CCDC81: variants seen among roughly 807,000 people sequenced by gnomAD.
CCDC81 encodes coiled-coil domain-containing protein 81.
In CCDC81, 79 loss-of-function variants were observed where a neutral mutation model predicts 83.7. The observed-to-expected ratio is 0.94, with a 90% CI of 0.79 to 1.14. The LOEUF (loss-of-function observed/expected upper bound fraction) is 1.14. Ranked by LOEUF, CCDC81 falls within the 50% of genes most tolerant of loss-of-function variation. The pLI is 0.00. For missense variants in CCDC81, 791 were observed against 778.1 expected, an observed-to-expected ratio of 1.02 and a Z score of -0.20; for synonymous variants, 252 against 278.1, an observed-to-expected ratio of 0.91 and a Z score of 0.93.
intron 1 of CCDC81, among the ~76,000 whole-genome samples, chr11:86,379,507 T>C (rs1167590498): frequency 6.6e-6 from 1 of 152,230 alleles, no homozygotes; most frequent in African/African-American, 2.4e-5. Flanking sequence ...GGTAGTGTGA[T>C]TGTTTTATAA....
intron 1 of CCDC81, 90 bp downstream of exon 1, chr11:86,375,332 T>C (rs1374669528): frequency 8.5e-7 from 1 of 1,177,440 alleles, no homozygotes; most frequent in Non-Finnish European, 1.2e-6. Context: ...CCCAATTCCC[T>C]GGCTCAGGCC....
chr11:86,381,600 G>C (rs556693945), intron 1 of CCDC81, among the ~76,000 whole-genome samples: 1 of 152,148 alleles, frequency 6.6e-6, no homozygotes, highest in African/African-American at 2.4e-5. Context: ...ATGTGAGTCC[G>C]TTTCAGGAAG....
At position 86,395,385 on chromosome 11, in the gene CCDC81, T is replaced by A. The variant is rs764660941; in HGVS notation, c.607T>A (p.Trp203Arg). Residue 203 changes from tryptophan to arginine, a missense_variant, in exon 5 of 15, where the codon TGG becomes AGG. Physicochemically the swap from Trp to Arg is moderately radical, Grantham distance 101 (BLOSUM62 -3). Transcript: ENST00000445632. ...VLSSREALRK[W>R]PSSVLAFPRI... Reference sequence around the variant, plus strand: ...GTCTAGCAGAGAGGCCTTGAGGAAGTGGCCCAGCAGTGTGCTTGCGTTTCC... The same window carrying A: ...GTCTAGCAGAGAGGCCTTGAGGAAGAGGCCCAGCAGTGTGCTTGCGTTTCC... 6.2e-7 allele frequency: 1 copy of A among 1,614,100 alleles called. No individual in the cohort carries two copies. Among genetic ancestry groups the A allele is most frequent in the Non-Finnish European group, 8.5e-7 (1 of 1,179,976 alleles).
At chr11:86,378,547 G>GATAGGTGAGTACTGAAGTC (rs2138485521) in intron 1 of CCDC81, among the ~76,000 whole-genome samples, 1 of 152,248 alleles carries the variant, frequency 6.6e-6, no homozygotes, top group South Asian at 2.1e-4. Flanking sequence ...AGCTGGATCT[G>GATAGGTGAGTACTGAAGTC]TTCATTTCTG....
intron 1 of CCDC81, among the ~76,000 whole-genome samples, chr11:86,376,774 G>A (rs926795548): frequency 2.6e-5 from 4 of 152,198 alleles, no homozygotes; most frequent in Non-Finnish European, 5.9e-5. Context: ...AGTGGTACAT[G>A]TGTTACAATT....
intron 13 of CCDC81, among the ~76,000 whole-genome samples, chr11:86,417,448 A>C (rs999568534): frequency 1.3e-5 from 2 of 152,002 alleles, no homozygotes; most frequent in African/African-American, 2.4e-5. Flanking sequence ...TTTGTAAATG[A>C]AATAGTCTAT....
At chr11:86,389,368 A>G (rs960167630) in intron 3 of CCDC81, among the ~76,000 whole-genome samples, 1 of 152,234 alleles carries the variant, frequency 6.6e-6, no homozygotes, top group Non-Finnish European at 1.5e-5. Flanking sequence ...TAACTGTATT[A>G]GTCTGTTCTC....
At chr11:86,399,511 T>C (rs1368882533) in intron 6 of CCDC81, among the ~76,000 whole-genome samples, 2 of 152,188 alleles carry the variant, frequency 1.3e-5, no homozygotes, top group South Asian at 4.2e-4. Flanking sequence ...AAACAGGGTT[T>C]TGCCATGTCG....
chr11:86,410,341 G>A (rs888300012), intron 10 of CCDC81, among the ~76,000 whole-genome samples: 5 of 152,118 alleles, frequency 3.3e-5, no homozygotes, highest in Admixed American at 1.3e-4. Context: ...GGAATACAAG[G>A]TTCCCTCTTC....
chr11:86,410,661 T>C (rs1467723670), intron 10 of CCDC81, among the ~76,000 whole-genome samples: 1 of 152,222 alleles, frequency 6.6e-6, no homozygotes, highest in Non-Finnish European at 1.5e-5. Flanking sequence ...TACTGCTGTG[T>C]ATCTCTTCTT....
intron 6 of CCDC81, 27 bp downstream of exon 6, chr11:86,397,769 C>G: frequency 1.9e-6 from 3 of 1,605,244 alleles, no homozygotes; most frequent in East Asian, 4.5e-5. Flanking sequence ...TGGGTCCAAT[C>G]TGTCACTCTT....
At position 86,394,572 on chromosome 11, in the gene CCDC81, C is replaced by G. The variant is rs572052888; in HGVS notation, c.556-762C>G. Among the ~76,000 whole-genome samples the G allele has an allele frequency of 3.3e-5, 5 of 152,344 alleles. No homozygotes were observed. In the East Asian group the frequency reaches 9.6e-4, roughly 29 times the overall value. On this transcript the variant is annotated intron_variant, in intron 4 of 14. Coordinates refer to ENST00000445632, the MANE Select transcript of CCDC81 (RefSeq NM_001156474.2). Reference sequence around the variant, plus strand: ...GAGTTTATTCCCAAATGACCCGTAACTTAAAACTGTCTTGTAGGGTAGTCC... The same window carrying G: ...GAGTTTATTCCCAAATGACCCGTAAGTTAAAACTGTCTTGTAGGGTAGTCC...
Position 86,407,642 on chromosome 11 carries a change from G to C in CCDC81, c.910G>C (p.Asp304His). ...ATCATATCCAAGTTGTCTGAAACAC[G>C]ACAGTGAGATGAAGCCCCAAACATC... ...SLSYPSCLKH[D>H]SEMKPQTSPA... Residue 304 changes from aspartate (D) to histidine (H), a missense_variant, in exon 8 of 15, where the codon GAC becomes CAC. Physicochemically the swap from Asp to His is moderately conservative, Grantham distance 81. Transcript: ENST00000445632. 20 of 1,613,408 alleles carry C rather than the reference G, an allele frequency of 1.2e-5. No homozygotes were observed. Among genetic ancestry groups the C allele is most frequent in the Non-Finnish European group, 1.7e-5 (20 of 1,179,564 alleles).
intron 1 of CCDC81, among the ~76,000 whole-genome samples, chr11:86,378,687 C>G (rs1340719218): frequency 1.3e-5 from 2 of 152,088 alleles, no homozygotes; most frequent in Non-Finnish European, 2.9e-5. Flanking sequence ...ATTCTTAGGT[C>G]TTCTTGAAAG....
At chr11:86,415,698 G>C (rs1948709715) in intron 13 of CCDC81, among the ~76,000 whole-genome samples, 1 of 152,124 alleles carries the variant, frequency 6.6e-6, no homozygotes, top group African/African-American at 2.4e-5. Context: ...GATTGAGACA[G>C]GGTTTTGCTC....
rs1948581523 is a variant in CCDC81, at chr11:86,407,709, G to A, written c.969+8G>A. 6.2e-7 allele frequency: 1 copy of A among 1,604,308 alleles called. No homozygotes were observed. The highest frequency in any genetic ancestry group is 1.3e-5 in the African/African-American group (1 of 74,756). On this transcript the variant is annotated splice_region_variant and intron_variant, in intron 8 of 14. Coordinates refer to ENST00000445632, the MANE Select transcript of CCDC81 (RefSeq NM_001156474.2). Reference sequence around the variant, plus strand: ...CATAACAAGGCAGGACAGGTACAGTGTTTCCAAACAAATAAGTCCCATCAG... The same window carrying A: ...CATAACAAGGCAGGACAGGTACAGTATTTCCAAACAAATAAGTCCCATCAG...
chr11:86,403,040 G>T (rs185891572), intron 7 of CCDC81, among the ~76,000 whole-genome samples: 44 of 128,246 alleles, frequency 3.4e-4, no homozygotes, highest in African/African-American at 1.3e-3. Flanking sequence ...TTTTTGTAGA[G>T]ATGGGGTCTT....
intron 3 of CCDC81, among the ~76,000 whole-genome samples, chr11:86,388,182 C>T (rs10898475): frequency 2.1e-5 from 3 of 141,000 alleles, no homozygotes; most frequent in African/African-American, 8.1e-5. Context: ...ACCTCCCTCC[C>T]TCCCTCCTTT....
chr11:86,417,843 G>A (rs1025603831), intron 13 of CCDC81, among the ~76,000 whole-genome samples: 3 of 151,888 alleles, frequency 2.0e-5, no homozygotes, highest in African/African-American at 4.8e-5. Flanking sequence ...TGCCTCCTGG[G>A]TTCAAGTGAT....
Sources: gnomAD v4.1 joint callset for allele counts (sites outside exome capture counted in the v4.1 genomes callset) on GRCh38, gnomAD v4.1.1 for gene constraint, MANE v1.5 for transcripts, NCBI Gene and HGNC (gene_info 2026-07-23, HGNC 2026-07-21) for gene names.